The following MARCHF1 variants were observed in gnomAD, a reference collection of about 807,000 sequenced individuals.
MARCHF1 encodes E3 ubiquitin-protein ligase MARCHF1.
Under a neutral mutation model 54.2 loss-of-function variants are expected in MARCHF1, and 40 were observed. That is an observed-to-expected ratio of 0.74 (90% confidence interval 0.57 to 0.96). The LOEUF (loss-of-function observed/expected upper bound fraction) is 0.96. Among genes scored for constraint, MARCHF1 ranks in the 40% least tolerant of loss-of-function variants. MARCHF1 has a pLI of 0.00. For missense variants in MARCHF1, 586 were observed against 656.5 expected (o/e 0.89, Z 1.17); for synonymous variants, 236 against 236.3 (o/e 1.00, Z 0.01).
At chr4:163,730,868 C>G (rs987705420) in intron 4 of MARCHF1, among the ~76,000 whole-genome samples, 5 of 152,116 alleles carry the variant, frequency 3.3e-5, no homozygotes, top group Non-Finnish European at 1.5e-5. Flanking sequence ...TTATGTGTTA[C>G]TGCTTCTCCC....
chr4:164,263,777 T>A (rs374334467), intron 1 of MARCHF1, among the ~76,000 whole-genome samples: 12 of 152,148 alleles, frequency 7.9e-5, no homozygotes, highest in East Asian at 1.9e-4. Flanking sequence ...GAGAAATGCA[T>A]ATCAAAACCA....
At chr4:164,054,726 A>G (rs1298676936) in intron 2 of MARCHF1, among the ~76,000 whole-genome samples, 3 of 139,994 alleles carry the variant, frequency 2.1e-5, no homozygotes, top group African/African-American at 8.1e-5. Context: ...GGAATTGAAC[A>G]ATGAGATCAC....
chr4:164,139,298 C>A (rs1368007693), intron 1 of MARCHF1, among the ~76,000 whole-genome samples: 2 of 152,012 alleles, frequency 1.3e-5, no homozygotes, highest in East Asian at 3.9e-4. Flanking sequence ...GGCAATATTC[C>A]ATCTTTCAGT....
At chr4:164,280,210 T>C (rs368017125) in intron 1 of MARCHF1, among the ~76,000 whole-genome samples, 5 of 152,136 alleles carry the variant, frequency 3.3e-5, no homozygotes, top group East Asian at 1.9e-4. Flanking sequence ...TAATTTATTA[T>C]TGTTCCTATT....
At chr4:163,613,673 A>G in intron 5 of MARCHF1, 1 of 1,321,284 alleles carries the variant, frequency 7.6e-7, no homozygotes, top group Non-Finnish European at 9.9e-7. Context: ...TACTGTAATC[A>G]TTTGAGTGGA....
At chr4:163,757,738 G>A (rs928123746) in intron 4 of MARCHF1, among the ~76,000 whole-genome samples, 15 of 152,092 alleles carry the variant, frequency 9.9e-5, no homozygotes, top group African/African-American at 3.4e-4. Flanking sequence ...CTATCTGATC[G>A]TAAATTTTTA....
At chr4:164,123,401 C>A (rs576446611) in intron 1 of MARCHF1, among the ~76,000 whole-genome samples, 1 of 152,110 alleles carries the variant, frequency 6.6e-6, no homozygotes, top group East Asian at 1.9e-4. Context: ...TCTATAGATT[C>A]AATGCAATCT....
intron 5 of MARCHF1, among the ~76,000 whole-genome samples, chr4:163,659,995 CG>C (rs1199602278): frequency 6.6e-6 from 1 of 151,990 alleles, no homozygotes; most frequent in Non-Finnish European, 1.5e-5. Context: ...GACAGTGAGG[CG>C]TTTCCTCAAG....
intron 4 of MARCHF1, among the ~76,000 whole-genome samples, chr4:163,808,434 T>C (rs1748287164): frequency 6.6e-6 from 1 of 152,174 alleles, no homozygotes; most frequent in South Asian, 2.1e-4. Flanking sequence ...TCAATGAATG[T>C]TTTTGAATTT....
At chr4:164,133,810 C>T (rs919570) in intron 1 of MARCHF1, among the ~76,000 whole-genome samples, 127,009 of 152,198 alleles carry the variant, frequency 0.83, 53,446 homozygotes, top group Non-Finnish European at 0.89. Flanking sequence ...CCCATTAACC[C>T]AGATGACCTA....
rs11938606 is a variant in MARCHF1, at chr4:163,872,260, A to T, written c.-38-18091T>A. The stretch of plus-strand genomic sequence containing the variant: ...GTCACCTTGAAGTGAAACTAAGTAG[A>T]TTGCCTGCCCAAAGGGAAGGCAAAG... On this transcript the variant is annotated intron_variant, in intron 3 of 9. Transcript: ENST00000514618. 2.6e-3 allele frequency among the ~76,000 whole-genome samples: 399 copies of T among 152,332 alleles called. 5 individuals are homozygous for T. Among genetic ancestry groups the T allele is most frequent in the African/African-American group, 9.1e-3 (380 of 41,570 alleles).
intron 8 of MARCHF1, among the ~76,000 whole-genome samples, chr4:163,552,233 G>T (rs1330150654): frequency 6.6e-6 from 1 of 152,182 alleles, no homozygotes; most frequent in Non-Finnish European, 1.5e-5. Context: ...CTGCACCAAA[G>T]ATTAGGATCT....
At chr4:163,889,089 G>A (rs2111263759) in intron 3 of MARCHF1, among the ~76,000 whole-genome samples, 1 of 152,194 alleles carries the variant, frequency 6.6e-6, no homozygotes, top group African/African-American at 2.4e-5. Flanking sequence ...GAGTAGTCAG[G>A]GAATGGCATA....
At chr4:164,299,334 A>T (rs1734492043) in intron 1 of MARCHF1, among the ~76,000 whole-genome samples, 1 of 152,174 alleles carries the variant, frequency 6.6e-6, no homozygotes, top group South Asian at 2.1e-4. Context: ...TAGCACTAAA[A>T]GTCCTGACAA....
At chr4:164,086,967 G>A (rs1560897558) in intron 2 of MARCHF1, among the ~76,000 whole-genome samples, 1 of 151,912 alleles carries the variant, frequency 6.6e-6, no homozygotes, top group Non-Finnish European at 1.5e-5. Context: ...ATTTTAATTT[G>A]GCACCTAGTA....
chr4:164,155,200 T>C (rs6811319), intron 1 of MARCHF1, among the ~76,000 whole-genome samples: 16 of 152,136 alleles, frequency 1.1e-4, no homozygotes, highest in African/African-American at 3.9e-4. Flanking sequence ...CTTACTTGGG[T>C]CTGTGGGTAT....
chr4:164,133,275 A>G (rs1756338135), intron 1 of MARCHF1, among the ~76,000 whole-genome samples: 1 of 152,176 alleles, frequency 6.6e-6, no homozygotes, highest in Non-Finnish European at 1.5e-5. Context: ...CAGCTGCTCT[A>G]AAGACTGAGT....
intron 3 of MARCHF1, among the ~76,000 whole-genome samples, chr4:163,894,511 C>T (rs1273557830): frequency 6.8e-6 from 1 of 146,238 alleles, no homozygotes; most frequent in African/African-American, 2.6e-5. Context: ...ACACAGAAGT[C>T]ACTGTAAAAT....
chr4:164,179,202 A>G (rs1730768228), intron 1 of MARCHF1, among the ~76,000 whole-genome samples: 1 of 152,014 alleles, frequency 6.6e-6, no homozygotes. Flanking sequence ...GGGAGATTAT[A>G]TTTTTCCACC....
Sources: allele counts gnomAD v4.1 joint callset (sites outside exome capture counted in the v4.1 genomes callset), GRCh38; gene constraint gnomAD v4.1.1; transcripts MANE v1.5; gene names NCBI Gene and HGNC (gene_info 2026-07-23, HGNC 2026-07-21).